LRP1B: variants seen among roughly 807,000 people sequenced by gnomAD.
LRP1B encodes the protein low-density lipoprotein receptor-related protein 1B.
Under a neutral mutation model 556.6 loss-of-function variants are expected in LRP1B, and 217 were observed. That is an observed-to-expected ratio of 0.39 (90% CI 0.35 to 0.44). The LOEUF (loss-of-function observed/expected upper bound fraction) is 0.44, where lower values mean the gene tolerates loss of function less well. Among genes scored for constraint, LRP1B ranks in the 20% least tolerant of loss-of-function variants. LRP1B has a pLI of 1.00. For synonymous variants in LRP1B, 2,047 were observed against 1,865.8 expected, an observed-to-expected ratio of 1.10 and a Z score of -2.50; for missense variants, 5,053 against 5,620.8, an observed-to-expected ratio of 0.90 and a Z score of 3.23.
Position 141,393,871 on chromosome 2 carries a change from T to G in LRP1B, c.343+86525A>C, listed in dbSNP as rs188471437. Among the ~76,000 whole-genome samples the G allele has an allele frequency of 9.8e-5, 15 of 152,292 alleles. No individual in the cohort carries two copies. The East Asian group carries it at 2.9e-3, about 29-fold the overall frequency. On this transcript the variant is annotated intron_variant, in intron 3 of 90. Transcript: ENST00000389484. ...TGTGTTATGTATTTTTGACGAATATTTCATAGTCTTGTTTTCACAAAAATA... is the reference window on the plus strand; with the variant it reads ...TGTGTTATGTATTTTTGACGAATATGTCATAGTCTTGTTTTCACAAAAATA...
intron 2 of LRP1B, among the ~76,000 whole-genome samples, chr2:141,790,089 G>A (rs1695562394): frequency 6.6e-6 from 1 of 151,690 alleles, no homozygotes; most frequent in Non-Finnish European, 1.5e-5. Context: ...CATTTTTCAG[G>A]TGTTAATGCC....
At chr2:141,553,765 A>G (rs1685845649) in intron 2 of LRP1B, among the ~76,000 whole-genome samples, 1 of 139,376 alleles carries the variant, frequency 7.2e-6, no homozygotes, top group Non-Finnish European at 1.5e-5. Flanking sequence ...TATATTATAT[A>G]TGTTTATATT....
chr2:140,471,452 A>G (rs546135842), intron 60 of LRP1B, among the ~76,000 whole-genome samples: 4 of 152,326 alleles, frequency 2.6e-5, no homozygotes, highest in South Asian at 2.1e-4. Flanking sequence ...TGCAAAACTA[A>G]TAAGTCATCA....
chr2:142,116,602 T>C (rs1222387011), intron 1 of LRP1B, among the ~76,000 whole-genome samples: 2 of 152,178 alleles, frequency 1.3e-5, no homozygotes, highest in African/African-American at 4.8e-5. Context: ...AATAATGTTG[T>C]CTTGCCAATG....
At chr2:141,332,188 T>C (rs1687679877) in intron 3 of LRP1B, among the ~76,000 whole-genome samples, 1 of 152,138 alleles carries the variant, frequency 6.6e-6, no homozygotes, top group East Asian at 1.9e-4. Flanking sequence ...TATGTCTACC[T>C]ATTTCCTAAC....
In LRP1B at chr2:140,820,428, C is replaced by T. The variant is rs372491018; in HGVS notation, c.5210-6622G>A. Among the ~76,000 whole-genome samples the T allele has an allele frequency of 3.3e-4, 51 of 152,286 alleles. No individual in the cohort carries two copies. The South Asian group carries it at 8.9e-3, about 27-fold the overall frequency. ...AAAGTAGTCAACTGATCCCTTACTA[C>T]TTATCCTATTCAAGGTAAGATTTCA... On this transcript the variant is annotated intron_variant, in intron 31 of 90. Coordinates refer to ENST00000389484, the MANE Select transcript of LRP1B (RefSeq NM_018557.3).
At chr2:141,070,791 C>A (rs1308610597) in intron 7 of LRP1B, among the ~76,000 whole-genome samples, 1 of 152,156 alleles carries the variant, frequency 6.6e-6, no homozygotes, top group South Asian at 2.1e-4. Flanking sequence ...TACACCCTCC[C>A]AAGACTAAAC....
chr2:141,900,395 G>A (rs1699582004), intron 1 of LRP1B, among the ~76,000 whole-genome samples: 2 of 152,058 alleles, frequency 1.3e-5, no homozygotes, highest in South Asian at 2.1e-4. Context: ...ACCTATGTAT[G>A]TCAATGTATG....
chr2:141,623,476 C>T (rs355582), intron 2 of LRP1B, among the ~76,000 whole-genome samples: 31,122 of 151,998 alleles, frequency 0.2, 3,816 homozygotes, highest in South Asian at 0.33. Context: ...ATTTCTTAAA[C>T]GCTGCCTTTA....
At chr2:140,509,262 G>C (rs1689553624) in intron 52 of LRP1B, among the ~76,000 whole-genome samples, 1 of 152,042 alleles carries the variant, frequency 6.6e-6, no homozygotes, top group African/African-American at 2.4e-5. Context: ...TGTGACCTTG[G>C]GATCTGCATT....
chr2:140,613,148 G>T (rs974417495), intron 41 of LRP1B, among the ~76,000 whole-genome samples: 1 of 149,690 alleles, frequency 6.7e-6, no homozygotes, highest in African/African-American at 2.4e-5. Context: ...TGTCATCTTT[G>T]AGTTATCTTA....
chr2:141,229,751 G>T (rs1683388366), intron 5 of LRP1B, among the ~76,000 whole-genome samples: 1 of 152,150 alleles, frequency 6.6e-6, no homozygotes, highest in African/African-American at 2.4e-5. Flanking sequence ...TTCTAGAAAT[G>T]ATGATGGATC....
chr2:141,947,238 C>T (rs186696644), intron 1 of LRP1B, among the ~76,000 whole-genome samples: 26 of 152,110 alleles, frequency 1.7e-4, no homozygotes, highest in African/African-American at 5.3e-4. Flanking sequence ...TGGAGACCAG[C>T]GTGGCCAACA....
intron 7 of LRP1B, among the ~76,000 whole-genome samples, chr2:141,174,615 G>T (rs59857592): frequency 0.015 from 2,249 of 152,106 alleles, 23 homozygotes; most frequent in Middle Eastern, 0.041. Flanking sequence ...CTGTTAAGTC[G>T]GAGGAACTAT....
intron 2 of LRP1B, among the ~76,000 whole-genome samples, chr2:141,786,544 A>G (rs926486697): frequency 2.8e-4 from 42 of 151,906 alleles, no homozygotes; most frequent in African/African-American, 9.9e-4. Flanking sequence ...TGTGTAATAT[A>G]TTTGATGATT....
intron 41 of LRP1B, among the ~76,000 whole-genome samples, chr2:140,670,754 A>G (rs1299158111): frequency 3.9e-5 from 6 of 152,230 alleles, no homozygotes; most frequent in African/African-American, 7.2e-5. Flanking sequence ...TGTTGAAGAA[A>G]TATTCCAATA....
chr2:140,973,514 A>C (rs1696500105), intron 18 of LRP1B, among the ~76,000 whole-genome samples: 1 of 152,052 alleles, frequency 6.6e-6, no homozygotes, highest in South Asian at 2.1e-4. Context: ...ACCTAAGAGA[A>C]CTTTTGAAAT....
chr2:140,863,266 T>C (rs1284219988), intron 27 of LRP1B, among the ~76,000 whole-genome samples: 1 of 152,214 alleles, frequency 6.6e-6, no homozygotes, highest in African/African-American at 2.4e-5. Context: ...CAAATTTCTA[T>C]CATGCAAATC....
At chr2:140,847,040 T>C (rs1455136948) in intron 29 of LRP1B, among the ~76,000 whole-genome samples, 1 of 152,206 alleles carries the variant, frequency 6.6e-6, no homozygotes, top group Non-Finnish European at 1.5e-5. Context: ...TTATGTCCAA[T>C]TGATTGTTAA....
Sources: allele counts gnomAD v4.1 joint callset (sites outside exome capture counted in the v4.1 genomes callset), GRCh38; gene constraint gnomAD v4.1.1; transcripts MANE v1.5; gene names NCBI Gene and HGNC (gene_info 2026-07-23, HGNC 2026-07-21).